CERK: variants seen among roughly 807,000 people sequenced by gnomAD.
CERK encodes the protein ceramide kinase, also known as acylsphingosine kinase.
Under a neutral mutation model 63.4 loss-of-function variants are expected in CERK, and 39 were observed. The observed-to-expected ratio is 0.61, with a 90% CI of 0.48 to 0.80. The LOEUF is 0.80. Ranked by LOEUF, CERK falls within the 30% of genes least tolerant of loss-of-function variation. CERK has a pLI of 0.00. For synonymous variants in CERK, 302 were observed against 280.0 expected (o/e 1.08, Z -0.78); for missense variants, 670 against 714.1 (o/e 0.94, Z 0.70).
At chr22:46,734,078 A>G (rs980266395) in intron 1 of CERK, among the ~76,000 whole-genome samples, 1 of 150,260 alleles carries the variant, frequency 6.7e-6, no homozygotes, top group Admixed American at 6.7e-5. Flanking sequence ...ATATATATAT[A>G]TATATATATA....
chr22:46,726,479 G>A (rs909170865), intron 1 of CERK, among the ~76,000 whole-genome samples: 2 of 152,116 alleles, frequency 1.3e-5, no homozygotes, highest in African/African-American at 2.4e-5. Context: ...CCACATGCCC[G>A]GCCCGCTTAG....
rs1190630739 is a variant in CERK, at chr22:46,738,070, G to T, written c.79C>A (p.Pro27Thr). Residue 27 changes from proline (P) to threonine (T), a missense_variant, in exon 1 of 13, where the codon CCC (proline) becomes ACC (threonine). Pro to Thr is a conservative substitution (Grantham distance 38). Coordinates refer to ENST00000216264, the MANE Select transcript of CERK (RefSeq NM_022766.6). Reference sequence around the variant, plus strand: ...CACCAGCGCAGCAGAGCCCGCGCGGGCTCCAGGCTCACGGCGCAGCGCTGC... The same window carrying T: ...CACCAGCGCAGCAGAGCCCGCGCGGTCTCCAGGCTCACGGCGCAGCGCTGC... ...KQQRCAVSLE[P>T]ARALLRWWRS... The T allele has an allele frequency of 4.7e-6, 6 of 1,270,080 alleles. No homozygotes were observed. The highest frequency in any genetic ancestry group is 6.0e-6 in the Non-Finnish European group (6 of 1,002,516). 78.7% of individuals were successfully genotyped at this position (1,270,080 alleles called of 1,614,324 possible).
chr22:46,701,956 G>A (rs938224702), intron 6 of CERK, among the ~76,000 whole-genome samples: 7 of 152,168 alleles, frequency 4.6e-5, no homozygotes, highest in East Asian at 1.9e-4. Context: ...CGAGGTGGGC[G>A]GATGACTTGA....
In CERK at chr22:46,690,024, C is replaced by A. The variant is rs1472564274; in HGVS notation, c.1509G>T (p.Gly503=). 6.2e-7 allele frequency: 1 copy of A among 1,610,928 alleles called. No homozygotes were observed. Among genetic ancestry groups the A allele is most frequent in the Admixed American group, 1.7e-5 (1 of 59,926 alleles). ...CGATGGCAGGGCTGTGCAGGACCTC[C>A]CCGTCGCAGTTCCAGGAGCTGTTGG... ...TVSNSSWNCD[G]EVLHSPAIEV... Residue 503 remains glycine (G), a synonymous_variant, in exon 12 of 13, where the codon GGG becomes GGT. Transcript: ENST00000216264.
intron 6 of CERK, among the ~76,000 whole-genome samples, chr22:46,704,010 A>G (rs901777321): frequency 6.6e-6 from 1 of 152,172 alleles, no homozygotes; most frequent in Non-Finnish European, 1.5e-5. Flanking sequence ...AGGGGCCACA[A>G]AGAGACCCTC....
rs2082691443 is a variant in CERK at position 46,684,879 on chromosome 22, C to G, written c.*2255G>C. On this transcript the variant is annotated 3_prime_UTR_variant, in exon 13 of 13. Transcript: ENST00000216264. ...AGGTGTCAGACACACGGTACCGCAA[C>G]AGCAGTCCCGAGGTCTGAGATTCTG... 6.6e-6 allele frequency: 1 copy of G among 152,214 alleles called. No homozygotes were observed. Among genetic ancestry groups the G allele is most frequent in the Non-Finnish European group, 1.5e-5 (1 of 68,044 alleles). 9.4% of individuals were successfully genotyped at this position (152,214 alleles called of 1,614,324 possible).
intron 3 of CERK, among the ~76,000 whole-genome samples, chr22:46,717,474 G>A (rs567854057): frequency 1.5e-4 from 23 of 152,356 alleles, no homozygotes; most frequent in African/African-American, 5.0e-4. Context: ...AGCCCCACGC[G>A]AGAGCGTGGA....
At chr22:46,694,826 C>A (rs971133948) in intron 9 of CERK, among the ~76,000 whole-genome samples, 2 of 152,210 alleles carry the variant, frequency 1.3e-5, no homozygotes, top group Admixed American at 1.3e-4. Flanking sequence ...GTGCCCTGCA[C>A]ACGCACAGTC....
intron 6 of CERK, among the ~76,000 whole-genome samples, chr22:46,706,782 A>G (rs1191583181): frequency 6.6e-6 from 1 of 152,220 alleles, no homozygotes; most frequent in Non-Finnish European, 1.5e-5. Flanking sequence ...AAATCCCCCT[A>G]AAATGAGTCT....
intron 1 of CERK, among the ~76,000 whole-genome samples, chr22:46,726,077 G>A (rs1056223135): frequency 2.6e-5 from 4 of 152,260 alleles, no homozygotes; most frequent in Non-Finnish European, 2.9e-5. Flanking sequence ...CGGGTTTCCC[G>A]TGTGTCACGG....
chr22:46,706,829 G>A (rs1302356457), intron 6 of CERK, among the ~76,000 whole-genome samples: 1 of 152,112 alleles, frequency 6.6e-6, no homozygotes, highest in Non-Finnish European at 1.5e-5. Flanking sequence ...CCATCCGTGG[G>A]GAACATTTGC....
chr22:46,701,292 C>T (rs1056947090), intron 7 of CERK, among the ~76,000 whole-genome samples: 7 of 152,228 alleles, frequency 4.6e-5, no homozygotes, highest in African/African-American at 7.2e-5. Context: ...GGCAGTATGG[C>T]GGGACGCGGG....
At chr22:46,699,221 C>G in intron 8 of CERK, 92 bp downstream of exon 8, 2 of 1,366,458 alleles carry the variant, frequency 1.5e-6, no homozygotes, top group Middle Eastern at 1.8e-4. Flanking sequence ...GGGCCCACCT[C>G]TGACGGTGCT....
intron 10 of CERK, among the ~76,000 whole-genome samples, chr22:46,692,556 C>T (rs956515482): frequency 2.0e-5 from 3 of 150,392 alleles, no homozygotes; most frequent in South Asian, 2.1e-4. Flanking sequence ...GAGCCGAGAT[C>T]GCGCCACTGC....
Position 46,687,046 on chromosome 22 carries a change from T to C in CERK, c.*88A>G. The C allele has an allele frequency of 9.8e-7, 1 of 1,021,878 alleles. No homozygotes were observed. Among genetic ancestry groups the C allele is most frequent in the Non-Finnish European group, 1.5e-6 (1 of 679,416 alleles). The allele number at this position is 1,021,878 out of a possible 1,614,324, so 63.3% of individuals were successfully genotyped here. On this transcript the variant is annotated 3_prime_UTR_variant, in exon 13 of 13. Transcript: ENST00000216264. ...ACTATCAAAAATAAATTTCTACATTTAAATGTATATATCAACATAATTGGT... is the reference window on the plus strand; with the variant it reads ...ACTATCAAAAATAAATTTCTACATTCAAATGTATATATCAACATAATTGGT...
chr22:46,726,805 C>T (rs780797467), intron 1 of CERK, among the ~76,000 whole-genome samples: 2 of 151,760 alleles, frequency 1.3e-5, no homozygotes, highest in Non-Finnish European at 2.9e-5. Flanking sequence ...CCTGACACAG[C>T]CCTTGATGGG....
Position 46,720,173 on chromosome 22 carries a change from TC to T in CERK, c.291del (p.Trp97Ter). 5.0e-6 allele frequency: 8 copies of T among 1,614,040 alleles called. No individual in the cohort carries two copies. The highest frequency in any genetic ancestry group is 6.8e-6 in the Non-Finnish European group (8 of 1,179,998). On this transcript the variant is annotated frameshift_variant, in exon 3 of 13. Transcript: ENST00000216264. LOFTEE classifies it high-confidence loss of function. The stretch of plus-strand genomic sequence containing the variant: ...CACCAGAAAGTCACCTGCGCCCACT[TC>T]CAGCGGTGCCGTCGTGCTCTCTTTA... ...HCVKRARRHRWKWAQVTFWCP... is the reference protein window; with the variant it reads ...HCVKRARRHRXKWAQVTFWCP...
In CERK at chr22:46,691,552, T is replaced by C. The variant is rs1206885255; in HGVS notation, c.1332+20A>G. 6.2e-7 allele frequency: 1 copy of C among 1,604,036 alleles called. No individual in the cohort carries two copies. The highest frequency in any genetic ancestry group is 1.1e-5 in the South Asian group (1 of 90,352). ...AAATTACTCGCCAGTGGAGGCTCCATGCAAGAGCACCCCACTTACCTGGTC... is the reference window on the plus strand; with the variant it reads ...AAATTACTCGCCAGTGGAGGCTCCACGCAAGAGCACCCCACTTACCTGGTC... On this transcript the variant is annotated intron_variant, in intron 11 of 12. Transcript: ENST00000216264.
chr22:46,724,745 CG>C (rs955810036), intron 1 of CERK, among the ~76,000 whole-genome samples: 24 of 152,118 alleles, frequency 1.6e-4, no homozygotes, highest in Non-Finnish European at 1.8e-4. Context: ...CTCAGCAGGG[CG>C]GGGTGGCTCA....
Sources: gnomAD v4.1 joint callset for allele counts (sites outside exome capture counted in the v4.1 genomes callset) on GRCh38, gnomAD v4.1.1 for gene constraint, MANE v1.5 for transcripts, NCBI Gene and HGNC (gene_info 2026-07-23, HGNC 2026-07-21) for gene names.